GML: variants seen among roughly 807,000 people sequenced by gnomAD.
GML encodes the protein glycosyl-phosphatidylinositol-anchored molecule-like protein.
Under a neutral mutation model 8.2 loss-of-function variants are expected in GML, and 5 were observed. The ratio of observed to expected loss-of-function variants is 0.61; its 90% CI spans 0.32 to 1.28. The LOEUF (loss-of-function observed/expected upper bound fraction) is 1.28. GML is among the 50% of genes most tolerant of loss of function. The pLI is 0.06. For missense variants in GML, 191 were observed against 198.3 expected (o/e 0.96, Z 0.22); for synonymous variants, 72 against 69.0 (o/e 1.04, Z -0.22).
intron 3 of GML, among the ~76,000 whole-genome samples, chr8:142,844,030 C>A (rs999491014): frequency 4.6e-5 from 7 of 151,952 alleles, no homozygotes; most frequent in Non-Finnish European, 1.0e-4. Flanking sequence ...CCAAAGCAGT[C>A]TTGGGGAAAA....
Position 142,846,413 on chromosome 8 carries a change from T to C in GML, c.200T>C (p.Leu67Pro), listed in dbSNP as rs1215748889. The C allele has an allele frequency of 1.4e-5, 23 of 1,596,276 alleles. No homozygotes were observed. Among genetic ancestry groups the C allele is most frequent in the Non-Finnish European group, 1.8e-5 (21 of 1,169,436 alleles). ...TISIRINSRE[L>P]LVYKNCTNNC... The stretch of plus-strand genomic sequence containing the variant: ...TTTTTAGGCATAAATTCTCGTGAAC[T>C]ACTTGTTTATAAGAACTGTACAAAC... The change falls in exon 4 of 4, where the codon CTA becomes CCA. Residue 67 changes from leucine to proline, a missense_variant. Physicochemically the swap from Leu to Pro is moderately conservative, Grantham distance 98 (BLOSUM62 -3). Transcript: ENST00000220940.
intron 1 of GML, among the ~76,000 whole-genome samples, chr8:142,836,521 T>C (rs958946183): frequency 6.6e-6 from 1 of 152,394 alleles, no homozygotes; most frequent in African/African-American, 2.4e-5. Context: ...TATGCTAATG[T>C]CAACATTTGA....
At chr8:142,840,869 T>G (rs1816421901) in intron 2 of GML, among the ~76,000 whole-genome samples, 1 of 152,172 alleles carries the variant, frequency 6.6e-6, no homozygotes. Context: ...ATCCCGTATG[T>G]GACCACCAGT....
At chr8:142,838,828 G>A (rs776804094) in intron 1 of GML, among the ~76,000 whole-genome samples, 35 of 152,160 alleles carry the variant, frequency 2.3e-4, no homozygotes, top group Non-Finnish European at 3.7e-4. Context: ...GGAGCTGGGT[G>A]TCAACCTGTG....
In GML at chr8:142,837,638, ACC is replaced by A. The variant is rs1816362327; in HGVS notation, c.-23+2771_-23+2772del. Among the ~76,000 whole-genome samples the A allele has an allele frequency of 1.4e-5, 2 of 146,588 alleles. 1 individual carries two copies. Among genetic ancestry groups the A allele is most frequent in the South Asian group, 4.4e-4 (2 of 4,502 alleles). ...CAAGGGTGACCCAATTTGTATGCTCACCTTTCACACCGAATCCTCAGCTCGGA... is the reference window on the plus strand; with the variant it reads ...CAAGGGTGACCCAATTTGTATGCTCATTTCACACCGAATCCTCAGCTCGGA... On this transcript the variant is annotated intron_variant, in intron 1 of 3. Coordinates refer to ENST00000220940, the MANE Select transcript of GML (RefSeq NM_002066.3).
chr8:142,839,847 C>T (rs1312885913), intron 1 of GML, among the ~76,000 whole-genome samples: 2 of 152,162 alleles, frequency 1.3e-5, no homozygotes, highest in Non-Finnish European at 2.9e-5. Flanking sequence ...TAGCTGATGG[C>T]TCGGTGATGC....
Position 142,840,375 on chromosome 8 carries a change from C to A in GML, c.-22-41C>A, listed in dbSNP as rs538481490. On this transcript the variant is annotated intron_variant, in intron 1 of 3. Transcript: ENST00000220940. ...AGGGGCATAGAGCTGGCCAAGGAGC[C>A]ATGGCTCACTAACGTGTTGTATGGG... 1.0e-5 allele frequency: 13 copies of A among 1,289,118 alleles called. No homozygotes were observed. The African/African-American group carries it at 1.6e-4, about 16-fold the overall frequency. The allele number at this position is 1,289,118 out of a possible 1,614,324, so 79.9% of individuals were successfully genotyped here. A position where few individuals can be genotyped will look rare whatever the true frequency, so the allele number is the denominator to read the frequency against.
chr8:142,836,887 G>A (rs1380751371), intron 1 of GML, among the ~76,000 whole-genome samples: 1 of 152,192 alleles, frequency 6.6e-6, no homozygotes, highest in Non-Finnish European at 1.5e-5. Context: ...TCGTGTTGAA[G>A]TCAAATAAAA....
intron 1 of GML, among the ~76,000 whole-genome samples, chr8:142,835,167 C>T (rs1333098834): frequency 6.6e-6 from 1 of 151,468 alleles, no homozygotes; most frequent in Non-Finnish European, 1.5e-5. Context: ...TTCAGCTCCT[C>T]TCAGGGGTAC....
At position 142,841,149 on chromosome 8, in the gene GML, G is replaced by A. The variant is rs201733015; in HGVS notation, c.105G>A (p.Ala35=). 9 of 1,579,964 alleles carry A rather than the reference G, an allele frequency of 5.7e-6. No individual in the cohort carries two copies. The highest frequency in any genetic ancestry group is 2.7e-5 in the African/African-American group (2 of 74,304). Residue 35 remains alanine, a synonymous_variant, in exon 3 of 4, where the codon GCG becomes GCA. Coordinates refer to ENST00000220940, the MANE Select transcript of GML (RefSeq NM_002066.3). ...ACAGTTTGAGATGCCATGACTGTGC[G>A]GTCATAAATGACTTCAACTGTCCCA... ...WTYSLRCHDC[A]VINDFNCPNI...
chr8:142,846,551 G>A lies in GML; in HGVS notation c.338G>A (p.Gly113Glu), dbSNP rs776002476. Reference protein sequence around the residue: ...CCCNSMVCNAGGPTNLERDML... With the variant: ...CCCNSMVCNAEGPTNLERDML... ...TGTAATAGCATGGTTTGCAATGCAG[G>A]AGGACCTACTAATCTTGAAAGGGAC... Residue 113 changes from glycine to glutamate, a missense_variant, in exon 4 of 4, where the codon GGA becomes GAA. Physicochemically the swap from Gly to Glu is moderately conservative, Grantham distance 98. Transcript: ENST00000220940. The A allele has an allele frequency of 1.2e-6, 2 of 1,614,084 alleles. No homozygotes were observed. The highest frequency in any genetic ancestry group is 1.7e-6 in the Non-Finnish European group (2 of 1,179,942).
intron 1 of GML, among the ~76,000 whole-genome samples, chr8:142,836,866 T>C (rs1284748449): frequency 6.6e-6 from 1 of 152,122 alleles, no homozygotes; most frequent in Admixed American, 6.5e-5. Flanking sequence ...TCCTACAGAG[T>C]GTGGCTTGTC....
At chr8:142,846,223 A>G (rs1816501916) in intron 3 of GML, among the ~76,000 whole-genome samples, 172 bp from the exon 4 acceptor site, 2 of 152,202 alleles carry the variant, frequency 1.3e-5, no homozygotes, top group Non-Finnish European at 2.9e-5. Flanking sequence ...GAGACCCGCT[A>G]GTGGACTTGG....
Position 142,846,560 on chromosome 8 carries a change from C to CTG in GML, c.348_349insGT (p.Asn117ValfsTer12). 1.2e-6 allele frequency: 2 copies of CTG among 1,613,926 alleles called. No individual in the cohort carries two copies. Among genetic ancestry groups the CTG allele is most frequent in the Non-Finnish European group, 8.5e-7 (1 of 1,179,824 alleles). On this transcript the variant is annotated frameshift_variant, in exon 4 of 4. Transcript: ENST00000220940. LOFTEE classifies it low-confidence loss of function (END_TRUNC). Reference sequence around the variant, plus strand: ...ATGGTTTGCAATGCAGGAGGACCTACTAATCTTGAAAGGGACATGTTACCC... The same window carrying CTG: ...ATGGTTTGCAATGCAGGAGGACCTACTGTAATCTTGAAAGGGACATGTTACCC...
rs573682342 is a variant in GML, at chr8:142,839,435, G to A, written c.-22-981G>A. 3.3e-4 allele frequency among the ~76,000 whole-genome samples: 51 copies of A among 152,322 alleles called. 1 individual carries two copies. The South Asian group carries it at 0.01, about 31-fold the overall frequency. ...GGATCCTGATCATCCCTATCCCTGG[G>A]GTGTGGCTTCTTGCTGCACAGTCAG... On this transcript the variant is annotated intron_variant, in intron 1 of 3. Transcript: ENST00000220940.
intron 3 of GML, among the ~76,000 whole-genome samples, chr8:142,845,369 G>T (rs1344598687): frequency 1.3e-5 from 2 of 152,158 alleles, no homozygotes; most frequent in Non-Finnish European, 2.9e-5. Flanking sequence ...CTGGCTGTGG[G>T]CACTTGGTGA....
At chr8:142,836,777 A>G (rs991893635) in intron 1 of GML, among the ~76,000 whole-genome samples, 20 of 152,198 alleles carry the variant, frequency 1.3e-4, no homozygotes, top group African/African-American at 3.9e-4. Flanking sequence ...TGCAGCTTCA[A>G]CCTGACCCTG....
chr8:142,837,193 C>A (rs1304809866), intron 1 of GML, among the ~76,000 whole-genome samples: 3 of 152,002 alleles, frequency 2.0e-5, no homozygotes, highest in Non-Finnish European at 4.4e-5. Flanking sequence ...ACTCAGGAGG[C>A]TGAGGCAGGA....
intron 3 of GML, among the ~76,000 whole-genome samples, 184 bp downstream of exon 3, chr8:142,841,409 C>T (rs1816433477): frequency 6.6e-6 from 1 of 152,166 alleles, no homozygotes; most frequent in Non-Finnish European, 1.5e-5. Flanking sequence ...CAGCATGCAT[C>T]ATCTTGTAGA....
Sources: gnomAD v4.1 joint callset for allele counts (sites outside exome capture counted in the v4.1 genomes callset) on GRCh38, gnomAD v4.1.1 for gene constraint, MANE v1.5 for transcripts, NCBI Gene and HGNC (gene_info 2026-07-23, HGNC 2026-07-21) for gene names.